SHISA6: variants seen among roughly 807,000 people sequenced by gnomAD.
SHISA6 encodes protein shisa-6.
Under a neutral mutation model 47.9 loss-of-function variants are expected in SHISA6, and 22 were observed. The observed-to-expected ratio is 0.46, with a 90% CI of 0.33 to 0.66. The LOEUF is 0.66. Ranked by LOEUF, SHISA6 falls within the 30% of genes least tolerant of loss-of-function variation. SHISA6 has a pLI of 0.02. For synonymous variants in SHISA6, 388 were observed against 337.8 expected (o/e 1.15, Z -1.63); for missense variants, 680 against 764.6 (o/e 0.89, Z 1.30).
At chr17:11,294,853 G>T (rs946543313) in intron 2 of SHISA6, among the ~76,000 whole-genome samples, 10 of 152,184 alleles carry the variant, frequency 6.6e-5, no homozygotes, top group Non-Finnish European at 1.2e-4. Flanking sequence ...ATTAAGTTGA[G>T]AACTTTTGTG....
At chr17:11,387,256 C>T (rs774469817) in intron 3 of SHISA6, among the ~76,000 whole-genome samples, 2 of 152,178 alleles carry the variant, frequency 1.3e-5, no homozygotes, top group African/African-American at 2.4e-5. Flanking sequence ...GGCCATCCTG[C>T]TGCCCAGACA....
intron 3 of SHISA6, among the ~76,000 whole-genome samples, chr17:11,471,069 C>G (rs531653522): frequency 6.6e-6 from 1 of 151,992 alleles, no homozygotes; most frequent in East Asian, 1.9e-4. Context: ...ATTACCTGGG[C>G]GTGGTGGCGC....
At chr17:11,385,053 A>G (rs1913148893) in intron 3 of SHISA6, among the ~76,000 whole-genome samples, 1 of 152,214 alleles carries the variant, frequency 6.6e-6, no homozygotes, top group Non-Finnish European at 1.5e-5. Context: ...GAAGACAGAA[A>G]TAAATCAAGA....
At chr17:11,536,173 A>G in intron 3 of SHISA6, among the ~76,000 whole-genome samples, 1 of 152,176 alleles carries the variant, frequency 6.6e-6, no homozygotes, top group South Asian at 2.1e-4. Flanking sequence ...TGTGAAAGTT[A>G]AACACAGACC....
intron 3 of SHISA6, among the ~76,000 whole-genome samples, chr17:11,458,328 G>A (rs1915602935): frequency 6.6e-6 from 1 of 152,072 alleles, no homozygotes; most frequent in Non-Finnish European, 1.5e-5. Context: ...CTAGTTGGTG[G>A]GCTCTGATAG....
At chr17:11,384,468 C>T (rs1199436395) in intron 3 of SHISA6, among the ~76,000 whole-genome samples, 1 of 152,214 alleles carries the variant, frequency 6.6e-6, no homozygotes, top group Non-Finnish European at 1.5e-5. Flanking sequence ...AAATGAATAC[C>T]CCTATGGAAA....
intron 3 of SHISA6, among the ~76,000 whole-genome samples, chr17:11,388,919 CT>C (rs1913298832): frequency 1.3e-5 from 2 of 148,928 alleles, no homozygotes; most frequent in Middle Eastern, 6.9e-3. Flanking sequence ...GCCATTTTGC[CT>C]AAGGGCAATG....
intron 3 of SHISA6, among the ~76,000 whole-genome samples, chr17:11,421,984 G>A (rs554473077): frequency 6.6e-6 from 1 of 152,316 alleles, no homozygotes; most frequent in South Asian, 2.1e-4. Flanking sequence ...GTCCATCTGA[G>A]GGGAGGAGGG....
At chr17:11,435,754 G>T (rs1914918131) in intron 3 of SHISA6, among the ~76,000 whole-genome samples, 1 of 152,128 alleles carries the variant, frequency 6.6e-6, no homozygotes, top group South Asian at 2.1e-4. Context: ...TTTTCATCAA[G>T]TGTATCCATA....
intron 2 of SHISA6, among the ~76,000 whole-genome samples, chr17:11,350,016 T>C (rs1911817249): frequency 6.6e-6 from 1 of 151,774 alleles, no homozygotes; most frequent in Middle Eastern, 3.2e-3. Flanking sequence ...ATTTTCTTTG[T>C]GGGTGGCTTT....
intron 3 of SHISA6, among the ~76,000 whole-genome samples, chr17:11,537,358 C>T (rs1421328573): frequency 3.9e-5 from 6 of 152,032 alleles, no homozygotes; most frequent in South Asian, 2.1e-4. Flanking sequence ...TGGGTGGCGG[C>T]GGGGGGGATC....
intron 2 of SHISA6, among the ~76,000 whole-genome samples, chr17:11,310,461 C>T (rs958370486): frequency 6.6e-5 from 10 of 152,092 alleles, no homozygotes; most frequent in Non-Finnish European, 1.2e-4. Flanking sequence ...ATGCAATGCC[C>T]TGAGACTGGC....
At chr17:11,389,691 C>G (rs898543484) in intron 3 of SHISA6, among the ~76,000 whole-genome samples, 1 of 152,206 alleles carries the variant, frequency 6.6e-6, no homozygotes, top group African/African-American at 2.4e-5. Context: ...TTTCCAGTCC[C>G]TCGCTGGTGC....
chr17:11,259,789 G>C (rs1908156187), intron 1 of SHISA6, among the ~76,000 whole-genome samples: 1 of 152,204 alleles, frequency 6.6e-6, no homozygotes, highest in African/African-American at 2.4e-5. Context: ...GACCCAGCTG[G>C]AGGGACCAGG....
At chr17:11,335,634 C>T (rs1050750875) in intron 2 of SHISA6, among the ~76,000 whole-genome samples, 1 of 152,088 alleles carries the variant, frequency 6.6e-6, no homozygotes, top group Non-Finnish European at 1.5e-5. Context: ...GTGGCAAAAA[C>T]CTAGTGTTTG....
At chr17:11,354,815 T>C (rs1331227876) in intron 2 of SHISA6, among the ~76,000 whole-genome samples, 1 of 152,200 alleles carries the variant, frequency 6.6e-6, no homozygotes, top group African/African-American at 2.4e-5. Context: ...ATAGCCATTT[T>C]TAAATGAAAT....
At chr17:11,552,026 C>A in intron 4 of SHISA6, 74 bp downstream of exon 4, 5 of 1,444,946 alleles carry the variant, frequency 3.5e-6, no homozygotes, top group Non-Finnish European at 4.8e-6. Flanking sequence ...GGATGCCTAT[C>A]AGGGCATCAA....
chr17:11,459,557 C>T (rs1359099516), intron 3 of SHISA6, among the ~76,000 whole-genome samples: 1 of 152,154 alleles, frequency 6.6e-6, no homozygotes, highest in East Asian at 1.9e-4. Context: ...ATAATCAAGA[C>T]CTCTTTCTGC....
intron 3 of SHISA6, among the ~76,000 whole-genome samples, chr17:11,533,870 C>A (rs922438575): frequency 6.6e-6 from 1 of 152,048 alleles, no homozygotes; most frequent in African/African-American, 2.4e-5. Context: ...GGATTACAGG[C>A]GTGAGCCACC....
Sources: allele counts gnomAD v4.1 joint callset (sites outside exome capture counted in the v4.1 genomes callset), GRCh38; gene constraint gnomAD v4.1.1; transcripts MANE v1.5; gene names NCBI Gene and HGNC (gene_info 2026-07-23, HGNC 2026-07-21).